Variants in KPNA7 observed in about 807,000 individuals in gnomAD.
The protein encoded by KPNA7 is karyopherin subunit alpha 7.
Under a neutral mutation model 53.7 loss-of-function variants are expected in KPNA7, and 54 were observed. The ratio of observed to expected loss-of-function variants is 1.01; its 90% CI spans 0.81 to 1.26. KPNA7 has a LOEUF of 1.26. KPNA7 is among the 50% of genes most tolerant of loss of function. The pLI, the probability that KPNA7 is intolerant of heterozygous loss-of-function variation, is 0.00. For synonymous variants in KPNA7, 276 were observed against 259.3 expected (o/e 1.06, Z -0.62); for missense variants, 640 against 644.5 (o/e 0.99, Z 0.07).
At chr7:99,191,542 C>T (rs1789953648) in intron 6 of KPNA7, among the ~76,000 whole-genome samples, 1 of 152,166 alleles carries the variant, frequency 6.6e-6, no homozygotes. Flanking sequence ...CTGCTGCTAG[C>T]AGGAAGATGT....
intron 9 of KPNA7, among the ~76,000 whole-genome samples, chr7:99,178,550 A>C (rs1799009233): frequency 6.6e-6 from 1 of 152,082 alleles, no homozygotes; most frequent in South Asian, 2.1e-4. Context: ...CCTGGATGAC[A>C]GCATAAGACT....
intron 5 of KPNA7, 117 bp from the exon 6 acceptor site, chr7:99,193,218 G>A (rs140378610): frequency 1.7e-6 from 1 of 583,364 alleles, no homozygotes; most frequent in East Asian, 3.3e-5. Flanking sequence ...CCCGGGTTTA[G>A]CAAGTAGGTA....
At chr7:99,147,336 C>T in the KPNA7 span, among the ~76,000 whole-genome samples, 3 of 152,070 alleles carry the variant, frequency 2.0e-5, no homozygotes, top group South Asian at 6.2e-4. Flanking sequence ...TTAAAGCCAA[C>T]GTTCAAGTTT....
upstream of KPNA7, among the ~76,000 whole-genome samples, chr7:99,209,996 A>G (rs1791018315): frequency 6.6e-6 from 1 of 152,050 alleles, no homozygotes; most frequent in Non-Finnish European, 1.5e-5. Context: ...GCAGAGCCAG[A>G]CCCTGTCTCC....
chr7:99,207,397 TCACAGA>T lies in KPNA7; in HGVS notation c.64_66+3del, dbSNP rs1790867166. The T allele has an allele frequency of 1.3e-6, 2 of 1,551,256 alleles. 1 individual carries two copies. The highest frequency in any genetic ancestry group is 4.9e-5 in the East Asian group (2 of 40,898). ...ATAGAAGCAGGTGGGTGCTTCATAC[TCACAGA>T]CACATCTTTGCCTCGGTACTTAAAT... is the stretch of plus-strand genomic sequence containing the variant. On this transcript the variant is annotated splice_donor_variant and splice_donor_region_variant and coding_sequence_variant and intron_variant, in exon 2 of 11. Coordinates refer to ENST00000327442, the MANE Select transcript of KPNA7 (RefSeq NM_001145715.3). LOFTEE classifies it high-confidence loss of function.
chr7:99,175,912 T>TCA (rs1347211260), intron 10 of KPNA7, among the ~76,000 whole-genome samples: 1 of 152,104 alleles, frequency 6.6e-6, no homozygotes, highest in Admixed American at 6.6e-5. Context: ...TGCTGGTAAG[T>TCA]CACCTTTGAC....
chr7:99,154,679 C>T, the KPNA7 span, among the ~76,000 whole-genome samples: 6 of 151,930 alleles, frequency 3.9e-5, no homozygotes, highest in South Asian at 2.1e-4. Flanking sequence ...AGTGCCACCA[C>T]GCCCGGCTAA....
At chr7:99,204,179 G>C (rs1790683654) in intron 2 of KPNA7, among the ~76,000 whole-genome samples, 1 of 151,960 alleles carries the variant, frequency 6.6e-6, no homozygotes, top group African/African-American at 2.4e-5. Context: ...AGGAATTCTA[G>C]ACCAGCCTGG....
intron 10 of KPNA7, among the ~76,000 whole-genome samples, chr7:99,177,521 G>A (rs991962580): frequency 1.4e-5 from 2 of 143,748 alleles, no homozygotes; most frequent in African/African-American, 2.6e-5. Context: ...GTTGCAGTGA[G>A]CTGAGATGGC....
At chr7:99,163,382 TA>T in the KPNA7 span, among the ~76,000 whole-genome samples, 613 of 54,684 alleles carry the variant, frequency 0.011, 10 homozygotes, top group African/African-American at 0.02. Context: ...TATATATATA[TA>T]TTTTTTTTTT....
chr7:99,207,491 T>G lies in KPNA7; in HGVS notation c.-23-2A>C, dbSNP rs1272628924. 6.5e-7 allele frequency: 1 copy of G among 1,527,684 alleles called. No individual in the cohort carries two copies. The allele number at this position is 1,527,684 out of a possible 1,614,324, so 94.6% of individuals were successfully genotyped here. A position where few individuals can be genotyped will look rare whatever the true frequency, so the allele number is the denominator to read the frequency against. On this transcript the variant is annotated splice_acceptor_variant, in intron 1 of 10. Coordinates refer to ENST00000327442, the MANE Select transcript of KPNA7 (RefSeq NM_001145715.3). LOFTEE classifies it low-confidence loss of function (5UTR_SPLICE). The stretch of plus-strand genomic sequence containing the variant: ...TATTGACTGGAAGTAGTAAGTTACC[T>G]GCAGGTTGGACAGCAACAAAGAAAT...
intron 1 of KPNA7, among the ~76,000 whole-genome samples, chr7:99,213,473 T>C (rs1386125596): frequency 4.4e-5 from 6 of 135,902 alleles, no homozygotes; most frequent in African/African-American, 1.7e-4. Flanking sequence ...AGAGACAGAG[T>C]CTCATTGTTG....
chr7:99,177,236 G>C (rs1380172962), intron 10 of KPNA7, among the ~76,000 whole-genome samples: 1 of 152,152 alleles, frequency 6.6e-6, no homozygotes, highest in Admixed American at 6.5e-5. Context: ...GGTGTGTTGG[G>C]GACTTTGTAG....
In KPNA7 at chr7:99,190,269, G is replaced by A. The variant is rs149115117; in HGVS notation, c.637-1706C>T. Among the ~76,000 whole-genome samples the A allele has an allele frequency of 2.1e-4, 32 of 150,588 alleles. 1 individual carries two copies. Among genetic ancestry groups the A allele is most frequent in the Middle Eastern group, 3.5e-3 (1 of 286 alleles). On this transcript the variant is annotated intron_variant, in intron 6 of 10. Coordinates refer to ENST00000327442, the MANE Select transcript of KPNA7 (RefSeq NM_001145715.3). ...GAAGAATCGCTTGAACCCAGGAGGC[G>A]GAGGTTGCAGTGAGCTGAGATTGCA...
At chr7:99,160,593 A>T in the KPNA7 span, among the ~76,000 whole-genome samples, 1 of 152,128 alleles carries the variant, frequency 6.6e-6, no homozygotes, top group Non-Finnish European at 1.5e-5. Context: ...CCCAGCCATC[A>T]TCCAGTAAAT....
downstream of KPNA7, among the ~76,000 whole-genome samples, chr7:99,173,044 A>G (rs1490552896): frequency 1.4e-5 from 2 of 143,134 alleles, no homozygotes; most frequent in Non-Finnish European, 3.0e-5. Context: ...CCTGGGTGAC[A>G]AGACCGAAAC....
the KPNA7 span, among the ~76,000 whole-genome samples, chr7:99,156,611 G>T: frequency 6.6e-6 from 1 of 151,804 alleles, no homozygotes; most frequent in East Asian, 1.9e-4. Context: ...TGCAACCTCC[G>T]CCTCCCAGGT....
chr7:99,183,609 G>C (rs1432241882), intron 8 of KPNA7, among the ~76,000 whole-genome samples: 1 of 152,108 alleles, frequency 6.6e-6, no homozygotes, highest in Non-Finnish European at 1.5e-5. Flanking sequence ...TGCCTAGCTT[G>C]TCATACCTGG....
intron 6 of KPNA7, among the ~76,000 whole-genome samples, chr7:99,189,308 T>C (rs1789813749): frequency 6.6e-6 from 1 of 151,974 alleles, no homozygotes; most frequent in African/African-American, 2.4e-5. Flanking sequence ...TTAGTTTTAG[T>C]AGAGACAGGG....
Sources: allele counts gnomAD v4.1 joint callset (sites outside exome capture counted in the v4.1 genomes callset), GRCh38; gene constraint gnomAD v4.1.1; transcripts MANE v1.5; gene names NCBI Gene and HGNC (gene_info 2026-07-23, HGNC 2026-07-21).